The following MFGE8 variants were observed in gnomAD, a reference collection of about 807,000 sequenced individuals.
MFGE8 encodes the protein lactadherin.
In MFGE8, 34 loss-of-function variants were observed where a neutral mutation model predicts 42.6. The ratio of observed to expected loss-of-function variants is 0.80; its 90% CI spans 0.61 to 1.06. The LOEUF (loss-of-function observed/expected upper bound fraction) is 1.06. MFGE8 is among the 50% of genes least tolerant of loss of function. The probability of loss-of-function intolerance (pLI) is 0.00; values close to 1 mark genes in which losing one functional copy is unlikely to be tolerated. For synonymous variants in MFGE8, 230 were observed against 214.8 expected (o/e 1.07, Z -0.62); for missense variants, 510 against 516.9 (o/e 0.99, Z 0.13).
chr15:88,911,809 C>T (rs541995070), intron 1 of MFGE8, among the ~76,000 whole-genome samples: 1 of 152,224 alleles, frequency 6.6e-6, no homozygotes, highest in South Asian at 2.1e-4. Context: ...CTCCTGAAAT[C>T]TCAAAGCCCC....
chr15:88,901,517 A>AACCCACAAGGGGGGAC, intron 6 of MFGE8, 34 bp downstream of exon 6: 1 of 1,072,616 alleles, frequency 9.3e-7, no homozygotes, highest in Non-Finnish European at 1.4e-6. Flanking sequence ...ATCCCACCCA[A>AACCCACAAGGGGGGAC]CCCCAGCCCC....
rs1424794503 is a variant in MFGE8, at chr15:88,899,478, G to A, written c.1081C>T (p.Pro361Ser). 5.0e-6 allele frequency: 8 copies of A among 1,614,236 alleles called. No homozygotes were observed. Among genetic ancestry groups the A allele is most frequent in the Middle Eastern group, 1.6e-4 (1 of 6,062 alleles). The stretch of plus-strand genomic sequence containing the variant: ...ATGCGCACATAGCGAGCCAGGATGG[G>A]CGTCTCAAACAAGTTCTTCTTGTGG... ...HSHKKNLFETPILARYVRILP... is the reference protein window; with the variant it reads ...HSHKKNLFETSILARYVRILP... The change falls in exon 8 of 8, where the codon CCC becomes TCC. Residue 361 changes from proline (P) to serine (S), a missense_variant. Pro to Ser is a moderately conservative substitution (Grantham distance 74, BLOSUM62 -1). Coordinates refer to ENST00000268150, the MANE Select transcript of MFGE8 (RefSeq NM_005928.4). The surrounding 1 kb of genome is among the most constrained non-coding windows in gnomAD (Gnocchi z 6.8).
chr15:88,911,645 T>C (rs1473358975), intron 1 of MFGE8, among the ~76,000 whole-genome samples: 2 of 151,610 alleles, frequency 1.3e-5, no homozygotes, highest in Non-Finnish European at 2.9e-5. Context: ...GAGAATGGCA[T>C]GAACCCAGCG....
At position 88,899,196 on chromosome 15, in the gene MFGE8, C is replaced by T. The variant is rs77123717; in HGVS notation, c.*199G>A. 6.8e-3 allele frequency: 4,150 copies of T among 610,940 alleles called. 121 individuals carry two copies. In the African/African-American group the frequency reaches 0.088, roughly 13 times the overall value. The allele number at this position is 610,940 out of a possible 1,614,324, so 37.8% of individuals were successfully genotyped here. ...ACAGTGAGGACTGGGGGTTAGGGGA[C>T]GGGGCTTAGGGGCTGGGGCAGGGCC... On this transcript the variant is annotated 3_prime_UTR_variant, in exon 8 of 8. Coordinates refer to ENST00000268150, the MANE Select transcript of MFGE8 (RefSeq NM_005928.4). This position sits in a 1 kb window ranked among gnomAD's most constrained non-coding sequence, Gnocchi z 6.8.
chr15:88,900,776 CA>C, intron 6 of MFGE8: 6 of 984,736 alleles, frequency 6.1e-6, no homozygotes, highest in Non-Finnish European at 7.2e-6. Flanking sequence ...CAATGACAGA[CA>C]AGGGCTGTCA....
In MFGE8 at chr15:88,899,571, C is replaced by T. The variant is rs760745741; in HGVS notation, c.1027-39G>A. The T allele has an allele frequency of 6.2e-7, 1 of 1,614,018 alleles. No individual in the cohort carries two copies. The highest frequency in any genetic ancestry group is 1.1e-5 in the South Asian group (1 of 91,074). ...GGGTGTCAGGAGGACCCCGAGCCAG[C>T]CCCCCTCCCCTCAGAGCCCCAGGCC... is the stretch of plus-strand genomic sequence containing the variant. On this transcript the variant is annotated intron_variant, in intron 7 of 7. Coordinates refer to ENST00000268150, the MANE Select transcript of MFGE8 (RefSeq NM_005928.4). The surrounding 1 kb of genome is among the most constrained non-coding windows in gnomAD (Gnocchi z 6.8).
chr15:88,899,465 C>A lies in MFGE8; in HGVS notation c.1094G>T (p.Arg365Leu), dbSNP rs772742240. Residue 365 changes from arginine (R) to leucine (L), a missense_variant, in exon 8 of 8, where the codon CGC (arginine) becomes CTC (leucine). By Grantham distance (102) the Arg-to-Leu change is moderately radical. Transcript: ENST00000268150. The surrounding 1 kb of genome is among the most constrained non-coding windows in gnomAD (Gnocchi z 6.8). ...KNLFETPILA[R>L]YVRILPVAWH... ...GGCTACAGGCAGGATGCGCACATAG[C>A]GAGCCAGGATGGGCGTCTCAAACAA... The A allele has an allele frequency of 3.8e-5, 61 of 1,614,106 alleles. No individual in the cohort carries two copies. Among genetic ancestry groups the A allele is most frequent in the Middle Eastern group, 1.6e-4 (1 of 6,084 alleles).
chr15:88,899,436 G>A lies in MFGE8; in HGVS notation c.1123C>T (p.His375Tyr). The change falls in exon 8 of 8, where the codon CAC (histidine) becomes TAC (tyrosine). Residue 375 changes from histidine (H) to tyrosine (Y), a missense_variant. Transcript: ENST00000268150. This position sits in a 1 kb window ranked among gnomAD's most constrained non-coding sequence, Gnocchi z 6.8. The stretch of plus-strand genomic sequence containing the variant: ...TCCAGGCGCAGGGCGATGCGGTTGT[G>A]CCAGGCTACAGGCAGGATGCGCACA... ...RYVRILPVAW[H>Y]NRIALRLELL... 1.9e-6 allele frequency: 3 copies of A among 1,614,210 alleles called. No homozygotes were observed. Among genetic ancestry groups the A allele is most frequent in the Non-Finnish European group, 2.5e-6 (3 of 1,180,032 alleles).
Position 88,906,901 on chromosome 15 carries a change from G to A in MFGE8, c.388-123C>T, listed in dbSNP as rs1307411060. 3.2e-6 allele frequency: 4 copies of A among 1,248,578 alleles called. No homozygotes were observed. The highest frequency in any genetic ancestry group is 4.6e-6 in the Non-Finnish European group (4 of 867,582). 77.3% of individuals were successfully genotyped at this position (1,248,578 alleles called of 1,614,324 possible). A position where few individuals can be genotyped will look rare whatever the true frequency, so the allele number is the denominator to read the frequency against. On this transcript the variant is annotated intron_variant, in intron 3 of 7. Coordinates refer to ENST00000268150, the MANE Select transcript of MFGE8 (RefSeq NM_005928.4). This position sits in a 1 kb window ranked among gnomAD's most constrained non-coding sequence, Gnocchi z 4.2. Reference sequence around the variant, plus strand: ...GAACAACTCAAGCAAAACAGAGGAGGGGTAGCTGAGCACACTGCCCGCACA... The same window carrying A: ...GAACAACTCAAGCAAAACAGAGGAGAGGTAGCTGAGCACACTGCCCGCACA...
chr15:88,912,746 C>A (rs1276533927), intron 1 of MFGE8: 5 of 985,308 alleles, frequency 5.1e-6, no homozygotes, highest in Non-Finnish European at 6.0e-6. Flanking sequence ...ACCGACTCCC[C>A]GGCCCTTCCC....
rs1024652264 is a variant in MFGE8, at chr15:88,912,724, T to G, written c.73+523A>C. On this transcript the variant is annotated intron_variant, in intron 1 of 7. Coordinates refer to ENST00000268150, the MANE Select transcript of MFGE8 (RefSeq NM_005928.4). ...CCCCTCCCGGGCCCCACTTACGGCC[T>G]GCGTCCATTGCACCGACTCCCCGGC... 6.1e-6 allele frequency: 6 copies of G among 985,252 alleles called. No individual in the cohort carries two copies. In the African/African-American group the frequency reaches 1.0e-4, roughly 17 times the overall value. The allele number at this position is 985,252 out of a possible 1,614,324, so 61.0% of individuals were successfully genotyped here.
rs1898896372 is a variant in MFGE8 at position 88,910,266 on chromosome 15, G to A, written c.74-343C>T. 1.1e-5 allele frequency: 4 copies of A among 358,126 alleles called. No homozygotes were observed. In the Admixed American group the frequency reaches 1.2e-4, roughly 10 times the overall value. 22.2% of individuals were successfully genotyped at this position (358,126 alleles called of 1,614,324 possible). ...GTCTGGAGAGGCAGGCAAGGTCCAG[G>A]GCAGGTCTCTTGGCAGCAGTTTGAT... On this transcript the variant is annotated intron_variant, in intron 1 of 7. Transcript: ENST00000268150.
At chr15:88,910,156 C>G in intron 1 of MFGE8, 1 of 482,146 alleles carries the variant, frequency 2.1e-6, no homozygotes, top group South Asian at 2.0e-5. Context: ...TTCCAAGTGG[C>G]CTGGGAGTGT....
At chr15:88,901,020 TTCTC>T (rs1898344617) in intron 6 of MFGE8, among the ~76,000 whole-genome samples, 2 of 55,794 alleles carry the variant, frequency 3.6e-5, no homozygotes, top group East Asian at 4.6e-4. Context: ...CACACACACA[TTCTC>T]ACACACACAT....
intron 5 of MFGE8, 45 bp from the exon 6 acceptor site, chr15:88,901,780 C>T (rs1898447903): frequency 6.3e-7 from 1 of 1,589,330 alleles, no homozygotes; most frequent in Non-Finnish European, 8.6e-7. Context: ...ATCCACAGCT[C>T]CCAGGGGCAG....
Position 88,907,258 on chromosome 15 carries a change from C to G in MFGE8, c.324G>C (p.Leu108=). 1 of 1,614,168 alleles carries G rather than the reference C, an allele frequency of 6.2e-7. No individual in the cohort carries two copies. The change falls in exon 3 of 8, where the codon CTG becomes CTC. Residue 108 remains leucine, a synonymous_variant. Transcript: ENST00000268150. ...LQHWVPELAR[L]NRAGMVNAWT... is the part of the protein sequence containing the mutation. ...AGGCATTGACCATGCCTGCGCGGTT[C>G]AGGCGGGCCAGCTCCGGGACCCAAT...
At chr15:88,901,227 A>ACATTCACACACACATTCACACGCACG (rs1490319134) in intron 6 of MFGE8, among the ~76,000 whole-genome samples, 1 of 112,728 alleles carries the variant, frequency 8.9e-6, no homozygotes, top group Non-Finnish European at 2.2e-5. Context: ...TCACACATAC[A>ACATTCACACACACATTCACACGCACG]CATTCACACA....
In MFGE8 at chr15:88,901,504, C is replaced by G. The variant is rs201003155; in HGVS notation, c.870+47G>C. ...GAGGTCAAAGATCTGGCAGTCCCAC[C>G]TCATCCCACCCAACCCCAGCCCCAT... On this transcript the variant is annotated intron_variant, in intron 6 of 7. Transcript: ENST00000268150. 611 of 1,519,206 alleles carry G rather than the reference C, an allele frequency of 4.0e-4. 9 individuals are homozygous for G. In the East Asian group the frequency reaches 9.0e-3, roughly 22 times the overall value. The allele number at this position is 1,519,206 out of a possible 1,614,324, so 94.1% of individuals were successfully genotyped here.
intron 2 of MFGE8, 78 bp downstream of exon 2, chr15:88,909,714 G>A: frequency 6.2e-7 from 1 of 1,600,052 alleles, no homozygotes; most frequent in South Asian, 1.1e-5. Flanking sequence ...AATAAGGCCA[G>A]CATATGGCCT....
Sources: gnomAD v4.1 joint callset for allele counts (sites outside exome capture counted in the v4.1 genomes callset) on GRCh38, gnomAD v4.1.1 for gene constraint, Gnocchi (gnomAD v3.1) non-coding constraint, MANE v1.5 for transcripts, NCBI Gene and HGNC (gene_info 2026-07-23, HGNC 2026-07-21) for gene names.